Variants in SLCO3A1 observed in about 807,000 individuals in gnomAD.
SLCO3A1 encodes solute carrier organic anion transporter family member 3A1.
SLCO3A1 carries 27 observed loss-of-function variants against 63.1 expected under a neutral mutation model. The observed-to-expected ratio is 0.43, with a 90% CI of 0.32 to 0.59. The LOEUF is 0.59. Ranked by LOEUF, SLCO3A1 falls within the 20% of genes least tolerant of loss-of-function variation. SLCO3A1 has a pLI of 0.09. For synonymous variants in SLCO3A1, 473 were observed against 409.9 expected (o/e 1.15, Z -1.86); for missense variants, 773 against 945.8 (o/e 0.82, Z 2.40).
chr15:92,050,882 C>T (rs556297528), intron 2 of SLCO3A1, among the ~76,000 whole-genome samples: 1 of 152,264 alleles, frequency 6.6e-6, no homozygotes, highest in East Asian at 1.9e-4. Context: ...CTATTCCTCA[C>T]ATCCATCAAA....
chr15:91,979,031 A>G (rs980803918), intron 2 of SLCO3A1, among the ~76,000 whole-genome samples: 2 of 152,190 alleles, frequency 1.3e-5, no homozygotes, highest in South Asian at 2.1e-4. Flanking sequence ...ACTAACTATC[A>G]TTTATGACTT....
intron 10 of SLCO3A1, chr15:92,171,601 G>C (rs2048521776): frequency 1.8e-6 from 1 of 557,450 alleles, no homozygotes; most frequent in Non-Finnish European, 3.2e-6. Context: ...TCTGGGCTCA[G>C]AGTCTGGTCC....
intron 3 of SLCO3A1, 53 bp downstream of exon 3, chr15:92,095,032 A>G (rs921629158): frequency 2.4e-6 from 3 of 1,250,788 alleles, no homozygotes; most frequent in African/African-American, 1.5e-5. Context: ...TTCCTCCCTC[A>G]TAAATGCGGC....
intron 2 of SLCO3A1, among the ~76,000 whole-genome samples, chr15:91,963,913 T>C (rs1160515711): frequency 6.6e-6 from 1 of 152,174 alleles, no homozygotes; most frequent in Admixed American, 6.5e-5. Flanking sequence ...CCAGCTTTTA[T>C]TCCCTTATTT....
At chr15:92,020,932 A>C (rs577765152) in intron 2 of SLCO3A1, among the ~76,000 whole-genome samples, 1 of 152,328 alleles carries the variant, frequency 6.6e-6, no homozygotes, top group African/African-American at 2.4e-5. Flanking sequence ...AATAGTGTAA[A>C]ATTCCTGGCT....
chr15:91,984,332 T>C (rs1282137110), intron 2 of SLCO3A1, among the ~76,000 whole-genome samples: 5 of 152,210 alleles, frequency 3.3e-5, no homozygotes, highest in Non-Finnish European at 7.3e-5. Context: ...AAATAAAAAT[T>C]TAAAGCAGAT....
At chr15:92,172,018 G>A (rs1344971492) in exon 11 of SLCO3A1, 10 of 627,554 alleles carry the variant, frequency 1.6e-5, no homozygotes, top group Non-Finnish European at 2.8e-5. Context: ...CCAAGCGCAG[G>A]CCTGTGATGA....
intron 2 of SLCO3A1, among the ~76,000 whole-genome samples, chr15:91,985,725 G>C (rs1204615179): frequency 1.3e-5 from 2 of 152,174 alleles, no homozygotes; most frequent in Admixed American, 1.3e-4. Flanking sequence ...TGCTCCTCAG[G>C]AGTGTGCCAG....
rs747383349 is a variant in SLCO3A1, at chr15:91,894,888, C to T, written c.181-21105C>T. Reference sequence around the variant, plus strand: ...GAGTGCGTAGAAGCAGGTTGTAGCTCGCCTGCAAGAACTCTCAAGAATCAA... The same window carrying T: ...GAGTGCGTAGAAGCAGGTTGTAGCTTGCCTGCAAGAACTCTCAAGAATCAA... On this transcript the variant is annotated intron_variant, in intron 1 of 9. Transcript: ENST00000318445. The surrounding 1 kb of genome is among the most constrained non-coding windows in gnomAD (Gnocchi z 4.8). Among the ~76,000 whole-genome samples, 3 of 152,172 alleles carry T rather than the reference C, an allele frequency of 2.0e-5. No homozygotes were observed. Among genetic ancestry groups the T allele is most frequent in the East Asian group, 3.8e-4 (2 of 5,196 alleles).
intron 2 of SLCO3A1, among the ~76,000 whole-genome samples, chr15:91,937,924 C>T (rs983326979): frequency 2.0e-5 from 3 of 152,178 alleles, no homozygotes; most frequent in East Asian, 3.9e-4. Context: ...ATTTTGGAGG[C>T]GGTATCTACC....
At chr15:91,870,962 T>C (rs1597074499) in intron 1 of SLCO3A1, among the ~76,000 whole-genome samples, 2 of 152,212 alleles carry the variant, frequency 1.3e-5, no homozygotes, top group Non-Finnish European at 2.9e-5. Context: ...AAAGATCTTT[T>C]GGGGGGTATC....
At chr15:92,098,716 G>C (rs1218875330) in intron 3 of SLCO3A1, among the ~76,000 whole-genome samples, 1 of 143,334 alleles carries the variant, frequency 7.0e-6, no homozygotes, top group African/African-American at 2.6e-5. Context: ...GCATTATCAT[G>C]CAGTGGTTAA....
chr15:91,876,610 C>G (rs1897404650), intron 1 of SLCO3A1, among the ~76,000 whole-genome samples: 1 of 152,222 alleles, frequency 6.6e-6, no homozygotes, highest in Admixed American at 6.5e-5. Context: ...AGGCTGACTT[C>G]TTTATCTGAG....
chr15:91,937,202 C>T (rs934445254), intron 2 of SLCO3A1, among the ~76,000 whole-genome samples: 6 of 152,152 alleles, frequency 3.9e-5, no homozygotes, highest in Admixed American at 2.0e-4. Context: ...GCTTTATGAG[C>T]TCTGAGGGTT....
At chr15:91,866,574 TTA>T (rs1567162725) in intron 1 of SLCO3A1, among the ~76,000 whole-genome samples, 2 of 144,618 alleles carry the variant, frequency 1.4e-5, no homozygotes, top group African/African-American at 2.6e-5. Context: ...GCTCCTTTTT[TTA>T]AAAAAAAAAA....
chr15:91,962,712 T>C (rs1313309853), intron 2 of SLCO3A1, among the ~76,000 whole-genome samples: 4 of 151,946 alleles, frequency 2.6e-5, no homozygotes, highest in Non-Finnish European at 5.9e-5. Flanking sequence ...GGCTGTCCAG[T>C]GCACCCCATC....
chr15:92,170,417 G>T (rs185376599), downstream of SLCO3A1, among the ~76,000 whole-genome samples: 2 of 152,234 alleles, frequency 1.3e-5, no homozygotes, highest in African/African-American at 4.8e-5. Flanking sequence ...CCAGCCCTAC[G>T]AGGTAAGTAT....
At chr15:91,977,606 G>A (rs928816796) in intron 2 of SLCO3A1, among the ~76,000 whole-genome samples, 2 of 152,292 alleles carry the variant, frequency 1.3e-5, no homozygotes, top group East Asian at 3.9e-4. Context: ...GGCAACTGGA[G>A]TGTGGGGACA....
At chr15:92,055,965 CT>C (rs1266990064) in intron 2 of SLCO3A1, among the ~76,000 whole-genome samples, 1 of 152,102 alleles carries the variant, frequency 6.6e-6, no homozygotes, top group Non-Finnish European at 1.5e-5. Context: ...GTTAACTTCA[CT>C]CTGTAATTTT....
Sources: gnomAD v4.1 joint callset for allele counts (sites outside exome capture counted in the v4.1 genomes callset) on GRCh38, gnomAD v4.1.1 for gene constraint, Gnocchi (gnomAD v3.1) non-coding constraint, MANE v1.5 for transcripts, NCBI Gene and HGNC (gene_info 2026-07-23, HGNC 2026-07-21) for gene names.